ACSS3: variants seen among roughly 807,000 people sequenced by gnomAD.
ACSS3 encodes the protein acyl-CoA synthetase short chain family member 3.
ACSS3 carries 64 observed loss-of-function variants against 84.2 expected under a neutral mutation model. The ratio of observed to expected loss-of-function variants is 0.76; its 90% CI spans 0.62 to 0.94. The LOEUF (loss-of-function observed/expected upper bound fraction) is 0.94. Among genes scored for constraint, ACSS3 ranks in the 40% least tolerant of loss-of-function variants. The probability of loss-of-function intolerance (pLI) is 0.00; values close to 1 mark genes in which losing one functional copy is unlikely to be tolerated. For synonymous variants in ACSS3, 317 were observed against 310.1 expected, an observed-to-expected ratio of 1.02 and a Z score of -0.23; for missense variants, 815 against 867.6, an observed-to-expected ratio of 0.94 and a Z score of 0.76.
intron 2 of ACSS3, chr12:81,124,409 A>C (rs1430922695): frequency 6.6e-6 from 1 of 151,998 alleles, no homozygotes; most frequent in Non-Finnish European, 1.5e-5. Flanking sequence ...CAGTATCCTC[A>C]CTTCTCCTGC....
chr12:81,167,449 A>G (rs1473986886), intron 7 of ACSS3, among the ~76,000 whole-genome samples: 1 of 152,208 alleles, frequency 6.6e-6, no homozygotes, highest in African/African-American at 2.4e-5. Context: ...TGAAATATAT[A>G]GAACAGAAAT....
At chr12:81,180,839 C>T (rs2030873332) in intron 8 of ACSS3, among the ~76,000 whole-genome samples, 1 of 152,128 alleles carries the variant, frequency 6.6e-6, no homozygotes, top group South Asian at 2.1e-4. Context: ...TTTATTTAAT[C>T]TGATGCATAA....
chr12:81,120,662 A>G (rs1020465400), intron 2 of ACSS3, among the ~76,000 whole-genome samples: 2 of 152,204 alleles, frequency 1.3e-5, no homozygotes, highest in Admixed American at 6.5e-5. Flanking sequence ...ATGCCACTAA[A>G]TTATTTTAAT....
At chr12:81,112,464 G>A (rs955236133) in intron 2 of ACSS3, among the ~76,000 whole-genome samples, 1 of 152,136 alleles carries the variant, frequency 6.6e-6, no homozygotes, top group African/African-American at 2.4e-5. Flanking sequence ...TTGCTTAGAA[G>A]CTTTTCTGCT....
intron 7 of ACSS3, among the ~76,000 whole-genome samples, chr12:81,155,520 T>C (rs1275843258): frequency 6.6e-6 from 1 of 152,202 alleles, no homozygotes; most frequent in Non-Finnish European, 1.5e-5. Flanking sequence ...TTCAGTGCAC[T>C]CTGTGTTTCT....
chr12:81,124,558 A>T (rs1442742475), intron 2 of ACSS3: 1 of 152,142 alleles, frequency 6.6e-6, no homozygotes, highest in African/African-American at 2.4e-5. Flanking sequence ...ATTTAATATA[A>T]ATTTATGGTA....
intron 7 of ACSS3, among the ~76,000 whole-genome samples, chr12:81,172,042 G>A (rs1002632192): frequency 5.9e-5 from 9 of 152,066 alleles, no homozygotes; most frequent in African/African-American, 1.2e-4. Flanking sequence ...GAAGGCAGGC[G>A]GATTGCCTGA....
intron 9 of ACSS3, among the ~76,000 whole-genome samples, chr12:81,205,315 G>A (rs1212774211): frequency 2.0e-5 from 3 of 152,014 alleles, no homozygotes; most frequent in African/African-American, 7.2e-5. Context: ...TGCATAGCTT[G>A]GCAAGTTAGA....
At chr12:81,242,585 T>A (rs2033844595) in intron 13 of ACSS3, among the ~76,000 whole-genome samples, 1 of 150,084 alleles carries the variant, frequency 6.7e-6, no homozygotes, top group Non-Finnish European at 1.5e-5. Context: ...ATATCATTGA[T>A]GAACATTGAT....
chr12:81,177,929 T>A (rs945555254), intron 8 of ACSS3, among the ~76,000 whole-genome samples: 12 of 152,210 alleles, frequency 7.9e-5, no homozygotes, highest in Admixed American at 2.0e-4. Flanking sequence ...ATCTAGAACT[T>A]GAAATACCAT....
intron 13 of ACSS3, among the ~76,000 whole-genome samples, chr12:81,238,019 G>A (rs914384088): frequency 6.6e-6 from 1 of 151,746 alleles, no homozygotes; most frequent in African/African-American, 2.4e-5. Flanking sequence ...TCACGAAATT[G>A]TGGAAGTTCC....
chr12:81,078,182 TGCCTGGGTCCTCTCCGGCCCGGGGA>T lies in ACSS3; in HGVS notation c.66_90del (p.Gly23ValfsTer7). ...AGCGCCGGGGGGCTCGGAGGGCCCT[TGCCTGGGTCCTCTCCGGCCCGGGGA>T]GCCGGTGCGGCCCTCAGGGCTTTAG... On this transcript the variant is annotated frameshift_variant, in exon 1 of 16. Coordinates refer to ENST00000548058, the MANE Select transcript of ACSS3 (RefSeq NM_024560.4). LOFTEE classifies it high-confidence loss of function. 2 of 1,542,056 alleles carry T rather than the reference TGCCTGGGTCCTCTCCGGCCCGGGGA, an allele frequency of 1.3e-6. No individual in the cohort carries two copies. Among genetic ancestry groups the T allele is most frequent in the Non-Finnish European group, 1.7e-6 (2 of 1,148,662 alleles).
At chr12:81,102,804 G>T (rs1356118539) in intron 1 of ACSS3, among the ~76,000 whole-genome samples, 1 of 151,612 alleles carries the variant, frequency 6.6e-6, no homozygotes, top group Non-Finnish European at 1.5e-5. Context: ...ACTCCAGCCT[G>T]GCAACAGAGC....
chr12:81,095,387 T>G, intron 1 of ACSS3, among the ~76,000 whole-genome samples: 1 of 152,244 alleles, frequency 6.6e-6, no homozygotes, highest in East Asian at 1.9e-4. Context: ...CTAAATGTTT[T>G]TATCTTTTAC....
At chr12:81,183,225 T>C (rs1298266751) in intron 8 of ACSS3, among the ~76,000 whole-genome samples, 1 of 152,218 alleles carries the variant, frequency 6.6e-6, no homozygotes, top group Non-Finnish European at 1.5e-5. Flanking sequence ...TTTGGTTTCT[T>C]TCTACAAGCG....
At chr12:81,135,049 T>G in intron 3 of ACSS3, 45 bp downstream of exon 3, 1 of 1,463,774 alleles carries the variant, frequency 6.8e-7, no homozygotes, top group Admixed American at 1.9e-5. Context: ...TATGTATAAT[T>G]TAGTCATATT....
chr12:81,179,277 A>T (rs1405223379), intron 8 of ACSS3, among the ~76,000 whole-genome samples: 1 of 149,166 alleles, frequency 6.7e-6, no homozygotes, highest in Non-Finnish European at 1.5e-5. Flanking sequence ...TTGCCAAAAA[A>T]AAAAAAAAAA....
chr12:81,086,471 C>T (rs1428400280), intron 1 of ACSS3, among the ~76,000 whole-genome samples: 1 of 152,108 alleles, frequency 6.6e-6, no homozygotes, highest in Admixed American at 6.5e-5. Flanking sequence ...GCTGAACCTT[C>T]AGGACAGAAC....
At chr12:81,192,910 A>C (rs896546500) in intron 8 of ACSS3, among the ~76,000 whole-genome samples, 4 of 152,136 alleles carry the variant, frequency 2.6e-5, no homozygotes, top group Non-Finnish European at 5.9e-5. Flanking sequence ...ATGTATTCAA[A>C]AGGTATTTCA....
Sources: gnomAD v4.1 joint callset for allele counts (sites outside exome capture counted in the v4.1 genomes callset) on GRCh38, gnomAD v4.1.1 for gene constraint, MANE v1.5 for transcripts, NCBI Gene and HGNC (gene_info 2026-07-23, HGNC 2026-07-21) for gene names.